Variants in KCNS3 observed in about 807,000 individuals in gnomAD.
KCNS3 encodes potassium voltage-gated channel modifier subfamily S member 3.
In KCNS3, 13 loss-of-function variants were observed where a neutral mutation model predicts 31.0. The ratio of observed to expected loss-of-function variants is 0.42; its 90% CI spans 0.27 to 0.67. The LOEUF (loss-of-function observed/expected upper bound fraction) is 0.67, where lower values mean the gene tolerates loss of function less well. Among genes scored for constraint, KCNS3 ranks in the 30% least tolerant of loss-of-function variants. KCNS3 has a pLI of 0.25. For synonymous variants in KCNS3, 238 were observed against 241.5 expected (o/e 0.99, Z 0.13); for missense variants, 545 against 622.4 (o/e 0.88, Z 1.32).
At chr2:17,880,215 A>C (rs1674613961) in intron 1 of KCNS3, among the ~76,000 whole-genome samples, 1 of 152,170 alleles carries the variant, frequency 6.6e-6, no homozygotes, top group African/African-American at 2.4e-5. Context: ...TCTGGAGCCG[A>C]AGAGGTGGCT....
intron 1 of KCNS3, among the ~76,000 whole-genome samples, chr2:17,888,647 A>ATATATATATC (rs1661760286): frequency 7.7e-6 from 1 of 130,678 alleles, no homozygotes; most frequent in Non-Finnish European, 1.7e-5. Flanking sequence ...ATATATATAT[A>ATATATATATC]TATATATATA....
intron 1 of KCNS3, among the ~76,000 whole-genome samples, chr2:17,888,629 G>GTGTATA (rs1300748453): frequency 3.2e-5 from 3 of 92,408 alleles, no homozygotes; most frequent in Non-Finnish European, 5.9e-5. Context: ...TAAAAAAAAT[G>GTGTATA]TATATATATA....
intron 1 of KCNS3, among the ~76,000 whole-genome samples, chr2:17,914,993 A>G (rs1231503064): frequency 1.3e-5 from 2 of 152,198 alleles, no homozygotes; most frequent in African/African-American, 4.8e-5. Context: ...GTTCTGTTCC[A>G]AGATTGGGTG....
chr2:17,896,953 T>G (rs1368487109), intron 1 of KCNS3, among the ~76,000 whole-genome samples: 4 of 152,190 alleles, frequency 2.6e-5, no homozygotes, highest in African/African-American at 9.7e-5. Flanking sequence ...GGTATATTGC[T>G]TGATGCTGAG....
At chr2:17,925,002 T>C (rs1662802573) in intron 2 of KCNS3, among the ~76,000 whole-genome samples, 1 of 152,248 alleles carries the variant, frequency 6.6e-6, no homozygotes, top group Non-Finnish European at 1.5e-5. Context: ...GCAAATTCTG[T>C]ATCTTTACTT....
At chr2:17,881,043 T>TCATTTAATTCCCATA (rs1674634227) in intron 1 of KCNS3, among the ~76,000 whole-genome samples, 1 of 152,262 alleles carries the variant, frequency 6.6e-6, no homozygotes, top group Admixed American at 6.5e-5. Flanking sequence ...TCAGATACTC[T>TCATTTAATTCCCATA]GCTAGGCACT....
At chr2:17,897,725 G>A (rs1558449880) in intron 1 of KCNS3, among the ~76,000 whole-genome samples, 1 of 152,104 alleles carries the variant, frequency 6.6e-6, no homozygotes, top group Non-Finnish European at 1.5e-5. Flanking sequence ...TCTATAGGCT[G>A]TCTGTTTACT....
chr2:17,889,953 G>A (rs982855992), intron 1 of KCNS3, among the ~76,000 whole-genome samples: 2 of 152,142 alleles, frequency 1.3e-5, no homozygotes, highest in African/African-American at 2.4e-5. Context: ...ATGAATTAGG[G>A]AGGATTCCTT....
chr2:17,885,047 T>C (rs970192050), intron 1 of KCNS3, among the ~76,000 whole-genome samples: 3 of 152,180 alleles, frequency 2.0e-5, no homozygotes, highest in African/African-American at 7.2e-5. Flanking sequence ...TGGGTTATTT[T>C]TTATAAATTG....
intron 1 of KCNS3, among the ~76,000 whole-genome samples, chr2:17,908,278 A>C (rs1213964216): frequency 1.3e-5 from 2 of 152,128 alleles, no homozygotes; most frequent in Admixed American, 1.3e-4. Flanking sequence ...TGCATTCGTC[A>C]TGTAGTTCTC....
chr2:17,910,360 A>G (rs980455479), intron 1 of KCNS3, among the ~76,000 whole-genome samples: 2 of 152,192 alleles, frequency 1.3e-5, no homozygotes, highest in Admixed American at 6.5e-5. Flanking sequence ...TTTTTAATGG[A>G]AGGAATTGCT....
chr2:17,893,577 C>G (rs897861139), intron 1 of KCNS3, among the ~76,000 whole-genome samples: 2 of 152,170 alleles, frequency 1.3e-5, no homozygotes, highest in Non-Finnish European at 2.9e-5. Context: ...GCTTGGGGAC[C>G]CAGTGAGCTC....
chr2:17,915,891 TGA>T (rs979951152), intron 1 of KCNS3, among the ~76,000 whole-genome samples: 4 of 152,254 alleles, frequency 2.6e-5, no homozygotes, highest in South Asian at 2.1e-4. Context: ...ACAGGAATTC[TGA>T]GTTTTGTGGG....
intron 1 of KCNS3, among the ~76,000 whole-genome samples, chr2:17,901,444 C>A (rs1662171135): frequency 6.6e-6 from 1 of 152,168 alleles, no homozygotes; most frequent in Non-Finnish European, 1.5e-5. Context: ...AGGATGATCT[C>A]CAGGTGTCTG....
intron 1 of KCNS3, among the ~76,000 whole-genome samples, chr2:17,908,323 G>T (rs1210458531): frequency 6.6e-6 from 1 of 152,150 alleles, no homozygotes; most frequent in African/African-American, 2.4e-5. Flanking sequence ...GGTCATTTAA[G>T]GACTTCTCTA....
intron 1 of KCNS3, chr2:17,879,354 A>G (rs766500507): frequency 6.6e-6 from 1 of 152,298 alleles, no homozygotes; most frequent in Non-Finnish European, 1.5e-5. Flanking sequence ...TTTGCCCTGC[A>G]GCTGTGCTAG....
chr2:17,921,915 G>GTATATATATATATA (rs56064218), intron 2 of KCNS3, among the ~76,000 whole-genome samples: 44 of 32,764 alleles, frequency 1.3e-3, no homozygotes, highest in Non-Finnish European at 1.6e-3. Context: ...GTGTGTGTGT[G>GTATATATATATATA]TATATATATA....
In KCNS3 at chr2:17,917,721, A is replaced by G. The variant is rs1163566911; in HGVS notation, c.-210A>G. The G allele has an allele frequency of 1.3e-5, 2 of 152,834 alleles. No homozygotes were observed. Among genetic ancestry groups the G allele is most frequent in the Middle Eastern group, 3.4e-3 (1 of 296 alleles). 9.5% of individuals were successfully genotyped at this position (152,834 alleles called of 1,614,324 possible). On this transcript the variant is annotated 5_prime_UTR_variant, in exon 2 of 3. Transcript: ENST00000304101. ...AGTGATTGCTTTGGCCTGTACAACCAGAGAACAGGATTCTTCCCTTCTTTT... is the reference window on the plus strand; with the variant it reads ...AGTGATTGCTTTGGCCTGTACAACCGGAGAACAGGATTCTTCCCTTCTTTT...
chr2:17,911,509 ATATTTTATAATACCTATT>A (rs1368780586), intron 1 of KCNS3, among the ~76,000 whole-genome samples: 1 of 152,202 alleles, frequency 6.6e-6, no homozygotes, highest in Non-Finnish European at 1.5e-5. Flanking sequence ...ATTTTCATAA[ATATTTTATAATACCTATT>A]TATTTAAAGT....
Sources: gnomAD v4.1 joint callset for allele counts (sites outside exome capture counted in the v4.1 genomes callset) on GRCh38, gnomAD v4.1.1 for gene constraint, MANE v1.5 for transcripts, NCBI Gene and HGNC (gene_info 2026-07-23, HGNC 2026-07-21) for gene names.